Variants in GOLGA4 observed in about 807,000 individuals in gnomAD.
The protein encoded by GOLGA4 is golgin A4, also known as golgin subfamily A member 4.
In GOLGA4, 169 loss-of-function variants were observed where a neutral mutation model predicts 265.9. The ratio of observed to expected loss-of-function variants is 0.64; its 90% confidence interval spans 0.56 to 0.72. The LOEUF (loss-of-function observed/expected upper bound fraction) is 0.72, where lower values mean the gene tolerates loss of function less well. Ranked by LOEUF, GOLGA4 falls within the 30% of genes least tolerant of loss-of-function variation. The pLI is 0.00. For synonymous variants in GOLGA4, 923 were observed against 855.8 expected (o/e 1.08, Z -1.37); for missense variants, 2,482 against 2,483.4 (o/e 1.00, Z 0.01).
chr3:37,265,865 C>G (rs376844909), intron 2 of GOLGA4, among the ~76,000 whole-genome samples: 69 of 151,456 alleles, frequency 4.6e-4, no homozygotes, highest in Admixed American at 9.9e-4. Context: ...GGTGAAACCC[C>G]GTCTCTACAA....
chr3:37,295,140 T>G, intron 6 of GOLGA4, 63 bp downstream of exon 6: 1 of 928,164 alleles, frequency 1.1e-6, no homozygotes, highest in African/African-American at 1.7e-5. Flanking sequence ...GGGGTTTGAT[T>G]TGGATATCTG....
intron 5 of GOLGA4, among the ~76,000 whole-genome samples, chr3:37,290,753 A>G (rs2096862459): frequency 6.6e-6 from 1 of 152,196 alleles, no homozygotes; most frequent in Non-Finnish European, 1.5e-5. Context: ...GTTAGTACTC[A>G]GAAAAGTATG....
chr3:37,278,223 G>C (rs2096824820), intron 2 of GOLGA4, among the ~76,000 whole-genome samples: 1 of 144,984 alleles, frequency 6.9e-6, no homozygotes, highest in Non-Finnish European at 1.5e-5. Flanking sequence ...TTTTGAGACA[G>C]AGTTTTGCTC....
chr3:37,247,899 G>T (rs1022002711), intron 1 of GOLGA4, among the ~76,000 whole-genome samples: 3 of 152,220 alleles, frequency 2.0e-5, no homozygotes, highest in Non-Finnish European at 2.9e-5. Flanking sequence ...GACAGCAGAA[G>T]TACGTCCCTC....
In GOLGA4 at chr3:37,308,007, G is replaced by A. The variant is rs2096911764; in HGVS notation, c.1234+5675G>A. 3.3e-5 allele frequency among the ~76,000 whole-genome samples: 5 copies of A among 152,172 alleles called. No homozygotes were observed. The South Asian group carries it at 1.0e-3, about 32-fold the overall frequency. On this transcript the variant is annotated intron_variant, in intron 10 of 23. Coordinates refer to ENST00000361924, the MANE Select transcript of GOLGA4 (RefSeq NM_002078.5). The stretch of plus-strand genomic sequence containing the variant: ...CCAGCACTTTGGGAGACTGAGGCGG[G>A]TGGATTACCTGAGGTCAGGAGTTCA...
At chr3:37,336,282 A>G (rs2097012268) in intron 17 of GOLGA4, among the ~76,000 whole-genome samples, 1 of 152,032 alleles carries the variant, frequency 6.6e-6, no homozygotes, top group South Asian at 2.1e-4. Context: ...GCTATTATAT[A>G]TTACTTCTTT....
intron 2 of GOLGA4, among the ~76,000 whole-genome samples, chr3:37,263,866 C>T (rs1020516682): frequency 2.6e-5 from 4 of 152,196 alleles, no homozygotes; most frequent in Non-Finnish European, 4.4e-5. Flanking sequence ...AAATCCTTAG[C>T]AGAATTGCAG....
chr3:37,298,205 G>C (rs2096883709), intron 7 of GOLGA4, among the ~76,000 whole-genome samples: 1 of 152,160 alleles, frequency 6.6e-6, no homozygotes, highest in Admixed American at 6.5e-5. Flanking sequence ...GTGTGCACGT[G>C]ACCAGAGTTT....
At chr3:37,288,343 T>G (rs981885988) in intron 4 of GOLGA4, among the ~76,000 whole-genome samples, 4 of 151,704 alleles carry the variant, frequency 2.6e-5, no homozygotes, top group Non-Finnish European at 5.9e-5. Flanking sequence ...ACTCCTGACC[T>G]GGTGATCCGC....
intron 20 of GOLGA4, 45 bp from the exon 21 acceptor site, chr3:37,347,148 A>T: frequency 9.1e-7 from 1 of 1,104,382 alleles, no homozygotes; most frequent in South Asian, 1.3e-5. Flanking sequence ...TAAGTAGTTT[A>T]CCTGGTTTTG....
rs183743236 is a variant in GOLGA4 at position 37,339,820 on chromosome 3, G to A, written c.6397-304G>A. On this transcript the variant is annotated intron_variant, in intron 19 of 23. Coordinates refer to ENST00000361924, the MANE Select transcript of GOLGA4 (RefSeq NM_002078.5). ...ATTTGCAAATATTTTCTCCCATTCTGTAGCTTGTCTTTTTACTTCATTGAT... is the reference window on the plus strand; with the variant it reads ...ATTTGCAAATATTTTCTCCCATTCTATAGCTTGTCTTTTTACTTCATTGAT... Among the ~76,000 whole-genome samples, 622 of 152,200 alleles carry A rather than the reference G, an allele frequency of 4.1e-3. 2 individuals carry two copies. The highest frequency in any genetic ancestry group is 0.014 in the African/African-American group (601 of 41,518).
At position 37,287,279 on chromosome 3, in the gene GOLGA4, T is replaced by A. The variant is rs2096852120; in HGVS notation, c.525+1218T>A. On this transcript the variant is annotated intron_variant, in intron 4 of 23. Transcript: ENST00000361924. ...TTGCTTGAACCTGGGAGGCAGAGGT[T>A]GCATTAAGCCAAGATCGTGCCATTG... Among the ~76,000 whole-genome samples, 4 of 152,170 alleles carry A rather than the reference T, an allele frequency of 2.6e-5. 1 individual carries two copies. The highest frequency in any genetic ancestry group is 2.6e-4 in the Admixed American group (4 of 15,278).
intron 7 of GOLGA4, among the ~76,000 whole-genome samples, chr3:37,296,733 G>A (rs1200631907): frequency 6.6e-6 from 1 of 151,930 alleles, no homozygotes; most frequent in Admixed American, 6.6e-5. Flanking sequence ...ACCATGCCCG[G>A]CTAATTTTTG....
intron 17 of GOLGA4, 115 bp downstream of exon 17, chr3:37,335,281 C>G: frequency 1.6e-6 from 1 of 609,318 alleles, no homozygotes; most frequent in Non-Finnish European, 2.9e-6. Flanking sequence ...AATGAAAACC[C>G]TTTGAGATTT....
At chr3:37,260,651 A>G (rs1001887076) in intron 2 of GOLGA4, among the ~76,000 whole-genome samples, 1 of 151,696 alleles carries the variant, frequency 6.6e-6, no homozygotes, top group Admixed American at 6.6e-5. Context: ...AAAAAAAAAA[A>G]GAAACAGGGC....
Position 37,327,325 on chromosome 3 carries a change from C to T in GOLGA4, c.5439C>T (p.Ala1813=). 1.2e-6 allele frequency: 2 copies of T among 1,613,672 alleles called. No individual in the cohort carries two copies. The highest frequency in any genetic ancestry group is 2.2e-5 in the East Asian group (1 of 44,864). The part of the protein sequence containing the change: ...EKNKKYSLIV[A]QHVEKEGGKN... The stretch of plus-strand genomic sequence containing the variant: ...ACAAGAAATATTCCTTGATAGTAGC[C>T]CAGCATGTGGAAAAAGAAGGAGGTA... Residue 1813 remains alanine (A), a synonymous_variant, in exon 14 of 24, where the codon GCC becomes GCT. Coordinates refer to ENST00000361924, the MANE Select transcript of GOLGA4 (RefSeq NM_002078.5).
At chr3:37,296,057 C>CT (rs749222977) in intron 6 of GOLGA4, 30 bp from the exon 7 acceptor site, 5 of 1,603,900 alleles carry the variant, frequency 3.1e-6, no homozygotes, top group South Asian at 1.1e-5. Context: ...TTTTTTTTGA[C>CT]TTTTTTCTAA....
In GOLGA4 at chr3:37,326,599, G is replaced by C. The variant is rs755062948; in HGVS notation, c.4713G>C (p.Glu1571Asp). ...TTCAGAAACTTCAACATTTTCAAGA[G>C]TTAGGAGAAGAAAAGGACAACAGGG... Reference protein sequence around the residue: ...ELVQKLQHFQELGEEKDNRVK... With the variant: ...ELVQKLQHFQDLGEEKDNRVK... The change falls in exon 14 of 24, where the codon GAG (glutamate) becomes GAC (aspartate). Residue 1571 changes from glutamate (E) to aspartate (D), a missense_variant. Transcript: ENST00000361924. 39 of 1,613,246 alleles carry C rather than the reference G, an allele frequency of 2.4e-5. No homozygotes were observed. The Admixed American group carries it at 5.3e-4, about 22-fold the overall frequency.
intron 10 of GOLGA4, among the ~76,000 whole-genome samples, chr3:37,310,606 A>G (rs919135804): frequency 6.6e-6 from 1 of 152,184 alleles, no homozygotes; most frequent in African/African-American, 2.4e-5. Context: ...AGTGAACCTC[A>G]TCTGAACTGG....
Sources: allele counts gnomAD v4.1 joint callset (sites outside exome capture counted in the v4.1 genomes callset), GRCh38; gene constraint gnomAD v4.1.1; transcripts MANE v1.5; gene names NCBI Gene and HGNC (gene_info 2026-07-23, HGNC 2026-07-21).